The following ULK4 variants were observed in gnomAD, a reference collection of about 807,000 sequenced individuals.
The protein encoded by ULK4 is unc-51 like kinase 4.
A neutral mutation model predicts 160.6 loss-of-function variants in ULK4; 133 were observed. The ratio of observed to expected loss-of-function variants is 0.83; its 90% CI spans 0.72 to 0.96. The LOEUF is 0.96. ULK4 is among the 40% of genes least tolerant of loss of function. ULK4 has a pLI of 0.00. For missense variants in ULK4, 1,580 were observed against 1,499.5 expected (o/e 1.05, Z -0.89); for synonymous variants, 534 against 539.8 (o/e 0.99, Z 0.15).
chr3:41,615,757 A>G, intron 30 of ULK4, 40 bp from the exon 31 acceptor site: 1 of 1,582,316 alleles, frequency 6.3e-7, no homozygotes, highest in Non-Finnish European at 8.6e-7. Flanking sequence ...CACATTAGAC[A>G]ATTCATATTT....
intron 35 of ULK4, among the ~76,000 whole-genome samples, chr3:41,351,466 T>G (rs896050117): frequency 6.6e-6 from 1 of 152,230 alleles, no homozygotes; most frequent in African/African-American, 2.4e-5. Context: ...AGTGGCATAA[T>G]TGCCAATCTC....
chr3:41,713,023 G>A (rs1028115114), intron 25 of ULK4, among the ~76,000 whole-genome samples: 1 of 151,278 alleles, frequency 6.6e-6, no homozygotes, highest in African/African-American at 2.4e-5. Flanking sequence ...TCACATAATT[G>A]TTCTGTGGAT....
intron 34 of ULK4, among the ~76,000 whole-genome samples, chr3:41,452,411 T>C (rs1575239672): frequency 6.6e-6 from 1 of 152,186 alleles, no homozygotes; most frequent in African/African-American, 2.4e-5. Context: ...GATGGGAGTA[T>C]CTACTCTCTT....
chr3:41,264,195 A>AT (rs971626577), intron 35 of ULK4, among the ~76,000 whole-genome samples: 13 of 152,182 alleles, frequency 8.5e-5, no homozygotes, highest in African/African-American at 2.4e-4. Context: ...TGAGGCAGAG[A>AT]TTTTTTAAAG....
intron 21 of ULK4, among the ~76,000 whole-genome samples, chr3:41,767,361 A>C (rs956058924): frequency 2.6e-5 from 4 of 151,952 alleles, no homozygotes; most frequent in Non-Finnish European, 5.9e-5. Context: ...TTATGTATTA[A>C]AATACTTTTT....
At chr3:41,395,191 C>CAAAAAAAAA in intron 35 of ULK4, among the ~76,000 whole-genome samples, 1 of 106,378 alleles carries the variant, frequency 9.4e-6, no homozygotes, top group Non-Finnish European at 2.1e-5. Context: ...GAAAGCACTC[C>CAAAAAAAAA]AAAAAAAAAA....
chr3:41,409,071 C>A (rs540849998), intron 34 of ULK4, among the ~76,000 whole-genome samples: 1 of 152,014 alleles, frequency 6.6e-6, no homozygotes, highest in South Asian at 2.1e-4. Flanking sequence ...GCCTGGGGAA[C>A]GTGGCGAAAC....
chr3:41,877,930 G>A (rs202212388), intron 17 of ULK4, among the ~76,000 whole-genome samples: 3 of 151,966 alleles, frequency 2.0e-5, no homozygotes, highest in Non-Finnish European at 4.4e-5. Context: ...GCGGTGAGCC[G>A]AGATCGCGCC....
At chr3:41,574,531 CTTTTTTTTTTTTT>C (rs568406782) in intron 31 of ULK4, among the ~76,000 whole-genome samples, 17 of 92,170 alleles carry the variant, frequency 1.8e-4, no homozygotes, top group South Asian at 4.0e-4. Flanking sequence ...CCAGAGTCCT[CTTTTTTTTTTTTT>C]TTTTTTTTTT....
chr3:41,766,755 T>C (rs1033930404), intron 21 of ULK4: 1 of 152,318 alleles, frequency 6.6e-6, no homozygotes, highest in African/African-American at 2.4e-5. Context: ...CGAAGTATGG[T>C]CCTCCTCAAT....
chr3:41,494,279 A>G (rs28853279), intron 32 of ULK4, among the ~76,000 whole-genome samples: 72,552 of 85,128 alleles, frequency 0.85, 31,977 homozygotes, highest in Middle Eastern at 0.95. Context: ...TTCAATATAC[A>G]CAAATCAATC....
chr3:41,536,882 TA>T (rs2086519785), intron 32 of ULK4, among the ~76,000 whole-genome samples: 1 of 152,212 alleles, frequency 6.6e-6, no homozygotes, highest in South Asian at 2.1e-4. Flanking sequence ...TTCATTTCTC[TA>T]AAAATGTTTC....
At chr3:41,253,079 T>C (rs2125669714) in intron 35 of ULK4, among the ~76,000 whole-genome samples, 1 of 152,150 alleles carries the variant, frequency 6.6e-6, no homozygotes, top group South Asian at 2.1e-4. Flanking sequence ...AAATATTATT[T>C]AGGAATGAAG....
At chr3:41,547,054 G>A (rs2086888947) in intron 32 of ULK4, among the ~76,000 whole-genome samples, 1 of 152,170 alleles carries the variant, frequency 6.6e-6, no homozygotes, top group Non-Finnish European at 1.5e-5. Context: ...GTCACTGATA[G>A]TGGGAGGGCA....
At chr3:41,455,967 T>A (rs6771165) in intron 33 of ULK4, among the ~76,000 whole-genome samples, 3 of 151,926 alleles carry the variant, frequency 2.0e-5, no homozygotes, top group Non-Finnish European at 4.4e-5. Flanking sequence ...TGTTGTGCAG[T>A]GGCACAATCT....
At chr3:41,254,929 G>A (rs558893267) in intron 35 of ULK4, among the ~76,000 whole-genome samples, 65 of 151,338 alleles carry the variant, frequency 4.3e-4, no homozygotes, top group African/African-American at 1.6e-3. Context: ...AAAAAAAGGA[G>A]CAAAACAAAC....
intron 17 of ULK4, among the ~76,000 whole-genome samples, chr3:41,851,714 A>G (rs1057138813): frequency 1.3e-5 from 2 of 152,176 alleles, no homozygotes; most frequent in African/African-American, 2.4e-5. Context: ...CAAAGACACA[A>G]CATACCAGAA....
intron 30 of ULK4, among the ~76,000 whole-genome samples, chr3:41,620,545 G>A (rs1214991338): frequency 6.6e-6 from 1 of 152,078 alleles, no homozygotes; most frequent in Non-Finnish European, 1.5e-5. Context: ...TGCAGAAAAG[G>A]CCTTCAGTAA....
chr3:41,576,726 A>C (rs1184181716), intron 31 of ULK4, among the ~76,000 whole-genome samples: 1 of 152,272 alleles, frequency 6.6e-6, no homozygotes, highest in Admixed American at 6.5e-5. Flanking sequence ...TAATGTTTGC[A>C]AAAACTGATA....
Sources: gnomAD v4.1 joint callset for allele counts (sites outside exome capture counted in the v4.1 genomes callset) on GRCh38, gnomAD v4.1.1 for gene constraint, MANE v1.5 for transcripts, NCBI Gene and HGNC (gene_info 2026-07-23, HGNC 2026-07-21) for gene names.